Variants in CEP128 observed in about 807,000 individuals in gnomAD.
CEP128 encodes the protein centrosomal protein 128.
A neutral mutation model predicts 156.7 loss-of-function variants in CEP128; 132 were observed. The ratio of observed to expected loss-of-function variants is 0.84; its 90% CI spans 0.73 to 0.97. CEP128 has a LOEUF of 0.97. CEP128 is among the 50% of genes least tolerant of loss of function. The pLI is 0.00. For synonymous variants in CEP128, 469 were observed against 448.9 expected, an observed-to-expected ratio of 1.04 and a Z score of -0.57; for missense variants, 1,252 against 1,281.9, an observed-to-expected ratio of 0.98 and a Z score of 0.36.
At chr14:80,764,768 C>T (rs1383574261) in intron 16 of CEP128, among the ~76,000 whole-genome samples, 4 of 152,294 alleles carry the variant, frequency 2.6e-5, no homozygotes, top group Non-Finnish European at 5.9e-5. Flanking sequence ...AAACTCTCTC[C>T]ATCAGTGTCC....
At chr14:80,740,094 A>G in intron 19 of CEP128, among the ~76,000 whole-genome samples, 1 of 151,976 alleles carries the variant, frequency 6.6e-6, no homozygotes, top group Non-Finnish European at 1.5e-5. Context: ...CTTTTGGAAG[A>G]GTGATTTTTT....
chr14:80,783,193 C>T (rs745764593), intron 15 of CEP128, among the ~76,000 whole-genome samples: 3 of 152,140 alleles, frequency 2.0e-5, no homozygotes, highest in Admixed American at 6.6e-5. Context: ...ACTAGATTTA[C>T]CACTGTTCTC....
chr14:80,529,663 A>G (rs1468452415), intron 22 of CEP128, among the ~76,000 whole-genome samples: 3 of 152,224 alleles, frequency 2.0e-5, no homozygotes, highest in Non-Finnish European at 4.4e-5. Flanking sequence ...TGAAAATAAT[A>G]TGGGCATAAC....
chr14:80,680,952 GCCTGAGACAATAGAGACCCTC>G (rs1417905020), intron 19 of CEP128, among the ~76,000 whole-genome samples: 2 of 152,082 alleles, frequency 1.3e-5, no homozygotes, highest in Non-Finnish European at 2.9e-5. Flanking sequence ...TCAGCCCATT[GCCTGAGACAATAGAGACCCTC>G]TCCCAATAAA....
intron 22 of CEP128, among the ~76,000 whole-genome samples, chr14:80,527,865 C>A (rs534589400): frequency 6.6e-6 from 1 of 152,050 alleles, no homozygotes; most frequent in African/African-American, 2.4e-5. Context: ...AATTTCCAGG[C>A]CTGCCTTTTT....
chr14:80,723,028 G>A (rs896608582), intron 19 of CEP128, among the ~76,000 whole-genome samples: 23 of 151,748 alleles, frequency 1.5e-4, no homozygotes, highest in African/African-American at 2.9e-4. Context: ...GGGATTCACC[G>A]TGTTAGCCAG....
At chr14:80,616,710 T>C (rs1451340181) in intron 19 of CEP128, among the ~76,000 whole-genome samples, 1 of 152,192 alleles carries the variant, frequency 6.6e-6, no homozygotes, top group Non-Finnish European at 1.5e-5. Flanking sequence ...CCTCAGAAAG[T>C]ACTATACGGA....
chr14:80,844,695 G>T (rs1056886271), intron 9 of CEP128, among the ~76,000 whole-genome samples: 1 of 151,906 alleles, frequency 6.6e-6, no homozygotes, highest in Non-Finnish European at 1.5e-5. Flanking sequence ...GATATCTATG[G>T]TATTTAAACA....
chr14:80,879,284 T>C (rs1888420906), intron 8 of CEP128, among the ~76,000 whole-genome samples: 1 of 151,840 alleles, frequency 6.6e-6, no homozygotes, highest in Non-Finnish European at 1.5e-5. Context: ...CACAAAAAAA[T>C]GATAAAGCAA....
intron 19 of CEP128, among the ~76,000 whole-genome samples, chr14:80,643,071 G>T (rs193157389): frequency 6.6e-6 from 1 of 151,950 alleles, no homozygotes; most frequent in Non-Finnish European, 1.5e-5. Flanking sequence ...ATATATTAAG[G>T]GTACCTCAAA....
intron 21 of CEP128, among the ~76,000 whole-genome samples, chr14:80,533,652 A>T (rs1889337001): frequency 6.6e-6 from 1 of 151,320 alleles, no homozygotes; most frequent in South Asian, 2.1e-4. Flanking sequence ...AGTTATTTTT[A>T]TTCTCCCCTC....
chr14:80,651,562 A>C (rs1211854786), intron 19 of CEP128, among the ~76,000 whole-genome samples: 1 of 152,164 alleles, frequency 6.6e-6, no homozygotes, highest in African/African-American at 2.4e-5. Context: ...TTAGTGCTAT[A>C]AATTTCCCTC....
chr14:80,581,796 G>T (rs1289494380), intron 19 of CEP128, among the ~76,000 whole-genome samples: 1 of 152,174 alleles, frequency 6.6e-6, no homozygotes, highest in South Asian at 2.1e-4. Flanking sequence ...TTGGTGTATG[G>T]AAGATTGTTT....
intron 23 of CEP128, among the ~76,000 whole-genome samples, chr14:80,508,225 T>C (rs1331363516): frequency 6.6e-6 from 1 of 152,222 alleles, no homozygotes; most frequent in African/African-American, 2.4e-5. Context: ...CTAATTTAAA[T>C]TTTTAATGAT....
At chr14:80,678,463 T>C (rs921153415) in intron 19 of CEP128, among the ~76,000 whole-genome samples, 1 of 152,014 alleles carries the variant, frequency 6.6e-6, no homozygotes, top group Non-Finnish European at 1.5e-5. Flanking sequence ...GCTTTTAGCA[T>C]GCCTTGGCCA....
intron 14 of CEP128, among the ~76,000 whole-genome samples, chr14:80,480,118 G>A (rs1044843443): frequency 4.6e-5 from 7 of 152,120 alleles, no homozygotes; most frequent in African/African-American, 1.2e-4. Context: ...AGCTGTTGGT[G>A]AAATCTATTA....
At chr14:80,748,731 C>G (rs1253697032) in intron 18 of CEP128, among the ~76,000 whole-genome samples, 1 of 152,046 alleles carries the variant, frequency 6.6e-6, no homozygotes, top group Non-Finnish European at 1.5e-5. Flanking sequence ...GAGGTGGGCA[C>G]AAAGAGATAC....
At chr14:80,896,032 T>C (rs1044538275) in intron 7 of CEP128, among the ~76,000 whole-genome samples, 8 of 152,136 alleles carry the variant, frequency 5.3e-5, no homozygotes, top group African/African-American at 1.9e-4. Context: ...CTAAAATTCC[T>C]AAGTGATGCA....
chr14:80,498,270 T>C (rs1594911991), intron 24 of CEP128, among the ~76,000 whole-genome samples: 1 of 152,140 alleles, frequency 6.6e-6, no homozygotes, highest in African/African-American at 2.4e-5. Context: ...ACCATCCCCA[T>C]TACTCTCATC....
Sources: gnomAD v4.1 joint callset for allele counts (sites outside exome capture counted in the v4.1 genomes callset) on GRCh38, gnomAD v4.1.1 for gene constraint, MANE v1.5 for transcripts, NCBI Gene and HGNC (gene_info 2026-07-23, HGNC 2026-07-21) for gene names.